LRRC4C: variants seen among roughly 807,000 people sequenced by gnomAD.
LRRC4C encodes leucine-rich repeat-containing protein 4C.
LRRC4C carries 5 observed loss-of-function variants against 33.6 expected under a neutral mutation model. The observed-to-expected ratio is 0.15, with a 90% CI of 0.08 to 0.31. The LOEUF is 0.31. Ranked by LOEUF, LRRC4C falls within the 10% of genes least tolerant of loss-of-function variation. The pLI, the probability that LRRC4C is intolerant of heterozygous loss-of-function variation, is 1.00. For synonymous variants in LRRC4C, 329 were observed against 302.0 expected, an observed-to-expected ratio of 1.09 and a Z score of -0.93; for missense variants, 560 against 796.7, an observed-to-expected ratio of 0.70 and a Z score of 3.58.
intron 1 of LRRC4C, among the ~76,000 whole-genome samples, chr11:41,066,092 CA>C (rs1245887624): frequency 1.3e-5 from 2 of 152,264 alleles, no homozygotes; most frequent in East Asian, 3.9e-4. Context: ...AAATAGGCTT[CA>C]GAAGGTGGGT....
intron 1 of LRRC4C, among the ~76,000 whole-genome samples, chr11:41,289,663 G>T (rs146690561): frequency 6.6e-6 from 1 of 152,124 alleles, no homozygotes; most frequent in South Asian, 2.1e-4. Flanking sequence ...AACCCTGATC[G>T]CACCTTAGTC....
chr11:40,926,292 C>G (rs1957404602), intron 2 of LRRC4C, among the ~76,000 whole-genome samples: 1 of 152,044 alleles, frequency 6.6e-6, no homozygotes, highest in South Asian at 2.1e-4. Flanking sequence ...ATGTCCTCCT[C>G]CCTAATTTGT....
intron 1 of LRRC4C, among the ~76,000 whole-genome samples, chr11:41,029,529 A>T (rs2137798004): frequency 6.6e-6 from 1 of 151,946 alleles, no homozygotes; most frequent in South Asian, 2.1e-4. Context: ...AACTATATTT[A>T]CAAATTATAA....
intron 3 of LRRC4C, among the ~76,000 whole-genome samples, chr11:40,630,376 TC>T (rs1403719004): frequency 8.4e-6 from 1 of 119,232 alleles, no homozygotes; most frequent in Non-Finnish European, 1.9e-5. Context: ...TTCTTCTTCT[TC>T]TTCTTCTTCT....
intron 2 of LRRC4C, among the ~76,000 whole-genome samples, chr11:40,763,738 C>G (rs1949330765): frequency 6.6e-6 from 1 of 152,072 alleles, no homozygotes; most frequent in African/African-American, 2.4e-5. Context: ...TAGAATTGAG[C>G]CAGAGCTCAA....
intron 2 of LRRC4C, among the ~76,000 whole-genome samples, chr11:40,892,274 C>A (rs1254233470): frequency 6.6e-6 from 1 of 152,100 alleles, no homozygotes; most frequent in African/African-American, 2.4e-5. Flanking sequence ...TTTCTGCATT[C>A]ATGTTTGTTG....
At chr11:40,499,250 T>G (rs532901836) in intron 3 of LRRC4C, among the ~76,000 whole-genome samples, 34 of 152,206 alleles carry the variant, frequency 2.2e-4, no homozygotes, top group African/African-American at 7.7e-4. Flanking sequence ...TCCAAAGAAA[T>G]AACCTGTCAA....
At chr11:40,945,327 G>C (rs1319180292) in intron 1 of LRRC4C, among the ~76,000 whole-genome samples, 2 of 152,064 alleles carry the variant, frequency 1.3e-5, no homozygotes, top group Admixed American at 1.3e-4. Context: ...GGCCAACTTT[G>C]CAGTTTTTCT....
Position 40,694,906 on chromosome 11 carries a change from C to T in LRRC4C, c.-406-46628G>A, listed in dbSNP as rs11036025. ...TTTATCATCATCGTAGCCCCCTTCTCTTCCTTCCGGTCTTCCATTTTTTCC... is the reference window on the plus strand; with the variant it reads ...TTTATCATCATCGTAGCCCCCTTCTTTTCCTTCCGGTCTTCCATTTTTTCC... On this transcript the variant is annotated intron_variant, in intron 2 of 6. Coordinates refer to ENST00000528697, the MANE Select transcript of LRRC4C (RefSeq NM_001258419.2). Among the ~76,000 whole-genome samples, 443 of 152,216 alleles carry T rather than the reference C, an allele frequency of 2.9e-3. 2 individuals carry two copies. Among genetic ancestry groups the T allele is most frequent in the African/African-American group, 0.01 (428 of 41,542 alleles).
intron 3 of LRRC4C, among the ~76,000 whole-genome samples, chr11:40,355,062 C>A (rs1392085103): frequency 4.6e-5 from 7 of 152,074 alleles, no homozygotes; most frequent in Non-Finnish European, 8.8e-5. Flanking sequence ...GGTGCTAAAT[C>A]GTGCCAGGAC....
chr11:40,767,960 A>T (rs562051479), intron 2 of LRRC4C, among the ~76,000 whole-genome samples: 1 of 152,186 alleles, frequency 6.6e-6, no homozygotes, highest in Admixed American at 6.5e-5. Context: ...TCTTGTAGAA[A>T]AAAAAGAAAT....
At chr11:41,108,759 C>T (rs981233963) in intron 1 of LRRC4C, among the ~76,000 whole-genome samples, 1 of 152,072 alleles carries the variant, frequency 6.6e-6, no homozygotes, top group Non-Finnish European at 1.5e-5. Context: ...CCACTGGAAA[C>T]ATATATTTTA....
chr11:40,992,621 T>C (rs1479240542), intron 1 of LRRC4C, among the ~76,000 whole-genome samples: 2 of 152,138 alleles, frequency 1.3e-5, no homozygotes, highest in Non-Finnish European at 2.9e-5. Context: ...TTAAAACCAA[T>C]GAAATTACGT....
At chr11:41,350,369 G>A (rs938993575) in intron 1 of LRRC4C, among the ~76,000 whole-genome samples, 4 of 151,904 alleles carry the variant, frequency 2.6e-5, no homozygotes, top group Non-Finnish European at 5.9e-5. Flanking sequence ...AATTAGCCGG[G>A]CGTTGTGGCG....
At chr11:40,621,296 G>A (rs959226310) in intron 3 of LRRC4C, among the ~76,000 whole-genome samples, 1 of 151,356 alleles carries the variant, frequency 6.6e-6, no homozygotes, top group South Asian at 2.1e-4. Context: ...AGGACATAAA[G>A]TCTACTTGTT....
At chr11:40,449,372 CA>C (rs1951789286) in intron 3 of LRRC4C, among the ~76,000 whole-genome samples, 1 of 149,522 alleles carries the variant, frequency 6.7e-6, no homozygotes, top group Admixed American at 6.7e-5. Context: ...ACTAAATCAA[CA>C]AATGAAGACT....
At chr11:40,544,391 T>C (rs969201093) in intron 3 of LRRC4C, among the ~76,000 whole-genome samples, 4 of 152,034 alleles carry the variant, frequency 2.6e-5, no homozygotes, top group African/African-American at 9.7e-5. Context: ...CCACTGTTCT[T>C]TACCTTCCTG....
At chr11:40,580,459 A>T (rs917034342) in intron 3 of LRRC4C, among the ~76,000 whole-genome samples, 1 of 152,160 alleles carries the variant, frequency 6.6e-6, no homozygotes, top group African/African-American at 2.4e-5. Context: ...ACACCTGGGG[A>T]TTACAATTCG....
At chr11:40,273,918 G>A (rs994685320) in intron 4 of LRRC4C, among the ~76,000 whole-genome samples, 3 of 152,066 alleles carry the variant, frequency 2.0e-5, no homozygotes, top group African/African-American at 7.2e-5. Context: ...TAGAAACAAG[G>A]TGAGGATTTC....
Sources: gnomAD v4.1 joint callset for allele counts (sites outside exome capture counted in the v4.1 genomes callset) on GRCh38, gnomAD v4.1.1 for gene constraint, MANE v1.5 for transcripts, NCBI Gene and HGNC (gene_info 2026-07-23, HGNC 2026-07-21) for gene names.